DOCK1: variants seen among roughly 807,000 people sequenced by gnomAD.
The protein encoded by DOCK1 is dedicator of cytokinesis 1.
In DOCK1, 138 loss-of-function variants were observed where a neutral mutation model predicts 262.7. The ratio of observed to expected loss-of-function variants is 0.53; its 90% confidence interval spans 0.46 to 0.61. The LOEUF (loss-of-function observed/expected upper bound fraction) is 0.61. DOCK1 is among the 20% of genes least tolerant of loss of function. The pLI is 0.00. For synonymous variants in DOCK1, 866 were observed against 867.4 expected (o/e 1.00, Z 0.03); for missense variants, 1,908 against 2,370.7 (o/e 0.80, Z 4.05).
intron 27 of DOCK1, among the ~76,000 whole-genome samples, chr10:127,217,864 C>T (rs1330494636): frequency 2.0e-5 from 3 of 152,120 alleles, no homozygotes; most frequent in Non-Finnish European, 2.9e-5. Flanking sequence ...TAATTTTTTT[C>T]ATATCACGGA....
chr10:127,269,827 A>G (rs1590211579), intron 29 of DOCK1, among the ~76,000 whole-genome samples: 1 of 152,222 alleles, frequency 6.6e-6, no homozygotes, highest in East Asian at 1.9e-4. Context: ...CCAGGCACAT[A>G]AAATGTGGAC....
At chr10:127,283,568 C>G (rs536213808) in intron 29 of DOCK1, among the ~76,000 whole-genome samples, 1 of 152,356 alleles carries the variant, frequency 6.6e-6, no homozygotes, top group South Asian at 2.1e-4. Context: ...ATGGTTGCAA[C>G]TCTTCCCAGT....
intron 1 of DOCK1, among the ~76,000 whole-genome samples, chr10:126,946,649 T>C (rs889159064): frequency 2.6e-5 from 4 of 152,204 alleles, no homozygotes; most frequent in Non-Finnish European, 5.9e-5. Flanking sequence ...AGGAGCCACA[T>C]AGGAACGGAA....
intron 27 of DOCK1, among the ~76,000 whole-genome samples, chr10:127,201,755 T>C (rs528271884): frequency 6.6e-6 from 1 of 152,276 alleles, no homozygotes; most frequent in South Asian, 2.1e-4. Flanking sequence ...AACTGCAGCC[T>C]CTCCTTTCTT....
intron 24 of DOCK1, among the ~76,000 whole-genome samples, chr10:127,108,759 A>G (rs1023290911): frequency 1.3e-5 from 2 of 152,198 alleles, no homozygotes; most frequent in African/African-American, 4.8e-5. Context: ...AGCATCTATT[A>G]TGTGCTTTCA....
At chr10:127,247,378 C>A (rs2134775437) in intron 27 of DOCK1, among the ~76,000 whole-genome samples, 1 of 152,218 alleles carries the variant, frequency 6.6e-6, no homozygotes, top group South Asian at 2.1e-4. Flanking sequence ...TGGGCCATAA[C>A]TCATTGTGGA....
intron 6 of DOCK1, 21 bp from the exon 7 acceptor site, chr10:126,996,727 A>G (rs768613552): frequency 1.2e-6 from 2 of 1,600,074 alleles, no homozygotes; most frequent in Non-Finnish European, 1.7e-6. Flanking sequence ...CTGTGAACTT[A>G]CTAAATTCTT....
chr10:127,257,316 T>C lies in DOCK1; in HGVS notation c.2950-19T>C. On this transcript the variant is annotated intron_variant, in intron 28 of 51. Coordinates refer to ENST00000623213, the MANE Select transcript of DOCK1 (RefSeq NM_001290223.2). ...TTTTTCTTTGTGGGCCATTTCAGTG[T>C]TTTGTTTTTTTATTTCAGGATTTCC... 1 of 1,561,382 alleles carries C rather than the reference T, an allele frequency of 6.4e-7. No individual in the cohort carries two copies. Among genetic ancestry groups the C allele is most frequent in the South Asian group, 1.2e-5 (1 of 85,332 alleles).
In DOCK1 at chr10:127,402,299, T is replaced by C. The variant is rs74158679; in HGVS notation, c.3928-756T>C. Among the ~76,000 whole-genome samples the C allele has an allele frequency of 2.1e-3, 323 of 152,272 alleles. 4 individuals carry two copies. Among genetic ancestry groups the C allele is most frequent in the African/African-American group, 7.4e-3 (306 of 41,556 alleles). On this transcript the variant is annotated intron_variant, in intron 38 of 51. Coordinates refer to ENST00000623213, the MANE Select transcript of DOCK1 (RefSeq NM_001290223.2). ...AGAGTGGGCGGCAGCTAGGAAGGCTTCCTGGAAGAGGTGGTTCCTCTTACT... is the reference window on the plus strand; with the variant it reads ...AGAGTGGGCGGCAGCTAGGAAGGCTCCCTGGAAGAGGTGGTTCCTCTTACT...
At chr10:127,203,521 G>A (rs1032934838) in intron 27 of DOCK1, among the ~76,000 whole-genome samples, 4 of 152,042 alleles carry the variant, frequency 2.6e-5, no homozygotes, top group African/African-American at 4.8e-5. Context: ...TGGAAAGCAA[G>A]CATTTTATTC....
chr10:127,173,494 C>T (rs2054773992), intron 27 of DOCK1, among the ~76,000 whole-genome samples: 2 of 152,136 alleles, frequency 1.3e-5, no homozygotes, highest in Non-Finnish European at 1.5e-5. Context: ...TTCTTGTGTT[C>T]GTGGGTGTTC....
At chr10:127,021,356 G>A (rs2042409429) in intron 13 of DOCK1, among the ~76,000 whole-genome samples, 1 of 152,150 alleles carries the variant, frequency 6.6e-6, no homozygotes, top group Non-Finnish European at 1.5e-5. Context: ...ATAGAGACGG[G>A]GGTTCACTGT....
chr10:127,239,422 TAAAC>T (rs1427509646), intron 27 of DOCK1, among the ~76,000 whole-genome samples: 1 of 152,162 alleles, frequency 6.6e-6, no homozygotes, highest in African/African-American at 2.4e-5. Flanking sequence ...AGTATCATCA[TAAAC>T]ATTTAATACT....
intron 32 of DOCK1, among the ~76,000 whole-genome samples, chr10:127,356,311 C>T (rs979223068): frequency 5.3e-5 from 8 of 152,326 alleles, no homozygotes; most frequent in Middle Eastern, 3.4e-3. Flanking sequence ...CCTGCCTCCC[C>T]GTGAGGCCTG....
chr10:127,019,520 G>A (rs951397265), intron 13 of DOCK1, among the ~76,000 whole-genome samples: 27 of 134,498 alleles, frequency 2.0e-4, no homozygotes, highest in Non-Finnish European at 4.8e-5. Flanking sequence ...AGTTCGAGGC[G>A]GGGGGATCAC....
intron 10 of DOCK1, among the ~76,000 whole-genome samples, chr10:127,003,172 G>C (rs1383731735): frequency 6.6e-6 from 1 of 151,932 alleles, no homozygotes; most frequent in Non-Finnish European, 1.5e-5. Context: ...GAACCTGTGT[G>C]AACCTCTAAG....
intron 23 of DOCK1, among the ~76,000 whole-genome samples, chr10:127,089,362 C>A (rs1466155255): frequency 2.6e-5 from 4 of 152,112 alleles, no homozygotes; most frequent in African/African-American, 9.7e-5. Flanking sequence ...GGATTCAGAC[C>A]CCCTACCCCT....
At chr10:127,151,224 G>A (rs1435098185) in intron 27 of DOCK1, among the ~76,000 whole-genome samples, 1 of 152,118 alleles carries the variant, frequency 6.6e-6, no homozygotes, top group Non-Finnish European at 1.5e-5. Context: ...CATTTGATGA[G>A]CTATGTTCCA....
intron 27 of DOCK1, among the ~76,000 whole-genome samples, chr10:127,173,062 T>C (rs1301918302): frequency 6.6e-6 from 1 of 152,046 alleles, no homozygotes; most frequent in African/African-American, 2.4e-5. Context: ...GTGCCGGGCA[T>C]ATAGGGGATG....
Sources: allele counts gnomAD v4.1 joint callset (sites outside exome capture counted in the v4.1 genomes callset), GRCh38; gene constraint gnomAD v4.1.1; transcripts MANE v1.5; gene names NCBI Gene and HGNC (gene_info 2026-07-23, HGNC 2026-07-21).